Variants in MTPN observed in about 807,000 individuals in gnomAD.
MTPN encodes myotrophin, also known as granule cell differentiation protein.
In MTPN, 2 loss-of-function variants were observed where a neutral mutation model predicts 13.5. The ratio of observed to expected loss-of-function variants is 0.15; its 90% CI spans 0.06 to 0.47. MTPN has a LOEUF of 0.47. MTPN is among the 20% of genes least tolerant of loss of function. The probability of loss-of-function intolerance (pLI) is 0.97; values close to 1 mark genes in which losing one functional copy is unlikely to be tolerated. For missense variants in MTPN, 79 were observed against 137.9 expected (o/e 0.57, Z 2.14); for synonymous variants, 46 against 51.7 (o/e 0.89, Z 0.48).
intron 3 of MTPN, among the ~76,000 whole-genome samples, chr7:135,938,919 T>A (rs185896614): frequency 5.3e-4 from 80 of 152,208 alleles, no homozygotes; most frequent in Non-Finnish European, 9.4e-4. Flanking sequence ...GAGAAAAGTA[T>A]ATAATACCCT....
intron 1 of MTPN, among the ~76,000 whole-genome samples, chr7:135,970,880 C>T (rs1799683614): frequency 6.6e-6 from 1 of 152,002 alleles, no homozygotes; most frequent in African/African-American, 2.4e-5. Context: ...AATAGGTCAC[C>T]AGCCCTTCTG....
At chr7:135,937,370 T>TACACACACACACACACACACACAC (rs35704525) in intron 3 of MTPN, among the ~76,000 whole-genome samples, 12 of 144,496 alleles carry the variant, frequency 8.3e-5, no homozygotes, top group African/African-American at 3.1e-4. Flanking sequence ...GCTAACTGGA[T>TACACACACACACACACACACACAC]ACACACACAC....
chr7:135,972,431 T>A (rs1174994938), intron 1 of MTPN, among the ~76,000 whole-genome samples: 8 of 152,220 alleles, frequency 5.3e-5, no homozygotes, highest in Admixed American at 5.2e-4. Flanking sequence ...AGGTAAAACA[T>A]CTTGCAGAGT....
chr7:135,965,917 G>A (rs949737983), intron 1 of MTPN, among the ~76,000 whole-genome samples: 5 of 152,106 alleles, frequency 3.3e-5, no homozygotes, highest in Non-Finnish European at 5.9e-5. Context: ...AAATACAAAT[G>A]TAACGAAACT....
intron 1 of MTPN, among the ~76,000 whole-genome samples, chr7:135,967,277 T>C (rs1799620356): frequency 6.6e-6 from 1 of 152,150 alleles, no homozygotes; most frequent in Non-Finnish European, 1.5e-5. Context: ...AAAAGTTCTA[T>C]ATTAGATGTC....
chr7:135,950,202 T>C (rs938650755), intron 3 of MTPN, among the ~76,000 whole-genome samples: 2 of 152,220 alleles, frequency 1.3e-5, no homozygotes, highest in Non-Finnish European at 2.9e-5. Flanking sequence ...TTGCTCGGTA[T>C]GTATTCCAGA....
chr7:135,976,776 G>A (rs1799779579), intron 1 of MTPN, among the ~76,000 whole-genome samples: 1 of 152,008 alleles, frequency 6.6e-6, no homozygotes, highest in Admixed American at 6.5e-5. Context: ...CCTCCCCCAA[G>A]AGGCCAGGAA....
chr7:135,953,102 A>G (rs111338049), intron 1 of MTPN, among the ~76,000 whole-genome samples: 6 of 152,102 alleles, frequency 3.9e-5, no homozygotes, highest in African/African-American at 1.4e-4. Flanking sequence ...CACATACTCC[A>G]AACTCCTCCA....
In MTPN at chr7:135,977,200, A is replaced by G. The variant is rs746760443; in HGVS notation, c.-100T>C. ...GCGAGAGGGAGGCAGGGCCGCGCGAAGCCGGAGAGGAGAAGAAGAGAAGGA... is the reference window on the plus strand; with the variant it reads ...GCGAGAGGGAGGCAGGGCCGCGCGAGGCCGGAGAGGAGAAGAAGAGAAGGA... On this transcript the variant is annotated 5_prime_UTR_variant, in exon 1 of 4. Transcript: ENST00000393085. 9 of 1,224,080 alleles carry G rather than the reference A, an allele frequency of 7.4e-6. No homozygotes were observed. The highest frequency in any genetic ancestry group is 1.1e-5 in the Non-Finnish European group (9 of 833,384). 75.8% of individuals were successfully genotyped at this position (1,224,080 alleles called of 1,614,324 possible). A position where few individuals can be genotyped will look rare whatever the true frequency, so the allele number is the denominator to read the frequency against.
At chr7:135,963,338 T>C (rs929140631) in intron 1 of MTPN, among the ~76,000 whole-genome samples, 10 of 151,984 alleles carry the variant, frequency 6.6e-5, no homozygotes, top group African/African-American at 2.4e-4. Context: ...AAAGTCCTTA[T>C]TTAGGATATA....
At chr7:135,971,451 A>G (rs1399074406) in intron 1 of MTPN, among the ~76,000 whole-genome samples, 2 of 152,192 alleles carry the variant, frequency 1.3e-5, no homozygotes, top group African/African-American at 4.8e-5. Flanking sequence ...ACTCAATAAT[A>G]TAGTACCCCC....
At chr7:135,943,014 T>C (rs1328112054) in intron 3 of MTPN, among the ~76,000 whole-genome samples, 1 of 152,220 alleles carries the variant, frequency 6.6e-6, no homozygotes, top group Non-Finnish European at 1.5e-5. Flanking sequence ...GTAAATCTTG[T>C]AGATATATCA....
intron 1 of MTPN, among the ~76,000 whole-genome samples, chr7:135,952,873 C>A (rs1433746093): frequency 6.6e-6 from 1 of 152,084 alleles, no homozygotes; most frequent in Non-Finnish European, 1.5e-5. Flanking sequence ...GTGGGAGGAT[C>A]CCCTGAGCCC....
chr7:135,952,308 T>C (rs143936049), intron 1 of MTPN, among the ~76,000 whole-genome samples: 26 of 152,280 alleles, frequency 1.7e-4, no homozygotes, highest in African/African-American at 6.0e-4. Context: ...ATCCTGGTGA[T>C]GAATGGAGGT....
chr7:135,948,199 C>CA (rs535122675), intron 3 of MTPN, among the ~76,000 whole-genome samples: 41 of 151,676 alleles, frequency 2.7e-4, no homozygotes, highest in South Asian at 2.3e-3. Context: ...AATCAATTTT[C>CA]AAAAAAAATC....
chr7:135,972,202 A>T (rs1205064312), intron 1 of MTPN, among the ~76,000 whole-genome samples: 2 of 136,706 alleles, frequency 1.5e-5, no homozygotes, highest in African/African-American at 5.7e-5. Flanking sequence ...TATGGTTATA[A>T]ATACACACGC....
At chr7:135,946,131 GA>G (rs914048344) in intron 3 of MTPN, among the ~76,000 whole-genome samples, 16 of 152,256 alleles carry the variant, frequency 1.1e-4, no homozygotes, top group Non-Finnish European at 2.2e-4. Flanking sequence ...CTGAACTTAG[GA>G]AAGTCCATCA....
chr7:135,931,910 A>C (rs991940473), intron 3 of MTPN, among the ~76,000 whole-genome samples: 2 of 152,188 alleles, frequency 1.3e-5, no homozygotes, highest in Non-Finnish European at 2.9e-5. Context: ...TACAATATGT[A>C]ATGATCAAAT....
At position 135,943,735 on chromosome 7, in the gene MTPN, T is replaced by C. The variant is rs1799246948; in HGVS notation, c.270+6864A>G. On this transcript the variant is annotated intron_variant, in intron 3 of 3. Coordinates refer to ENST00000393085, the MANE Select transcript of MTPN (RefSeq NM_145808.4). ...GGTATATTATATATAGTTGTTGTTGTAAGATTAGAGTTGGCTTCCTGAGGA... is the reference window on the plus strand; with the variant it reads ...GGTATATTATATATAGTTGTTGTTGCAAGATTAGAGTTGGCTTCCTGAGGA... 2.0e-5 allele frequency among the ~76,000 whole-genome samples: 3 copies of C among 152,166 alleles called. No individual in the cohort carries two copies. In the South Asian group the frequency reaches 6.2e-4, roughly 32 times the overall value.
Sources: gnomAD v4.1 joint callset for allele counts (sites outside exome capture counted in the v4.1 genomes callset) on GRCh38, gnomAD v4.1.1 for gene constraint, MANE v1.5 for transcripts, NCBI Gene and HGNC (gene_info 2026-07-23, HGNC 2026-07-21) for gene names.